UNC13B: variants seen among roughly 807,000 people sequenced by gnomAD.
UNC13B encodes the protein unc-13 homolog B.
Under a neutral mutation model 211.0 loss-of-function variants are expected in UNC13B, and 144 were observed. The ratio of observed to expected loss-of-function variants is 0.68; its 90% CI spans 0.60 to 0.78. The LOEUF is 0.78. Among genes scored for constraint, UNC13B ranks in the 30% least tolerant of loss-of-function variants. UNC13B has a pLI of 0.00. For synonymous variants in UNC13B, 709 were observed against 725.8 expected (o/e 0.98, Z 0.37); for missense variants, 1,777 against 2,002.0 (o/e 0.89, Z 2.14).
chr9:35,253,605 A>G (rs1826645318), intron 6 of UNC13B, among the ~76,000 whole-genome samples: 2 of 152,212 alleles, frequency 1.3e-5, no homozygotes, highest in African/African-American at 4.8e-5. Flanking sequence ...TTTATTCTAC[A>G]GTGTGTAACG....
intron 11 of UNC13B, among the ~76,000 whole-genome samples, chr9:35,344,848 G>T (rs772329893): frequency 2.0e-5 from 3 of 152,168 alleles, no homozygotes; most frequent in Non-Finnish European, 4.4e-5. Context: ...GTCCAACTAT[G>T]TTCTGGTTTC....
At position 35,300,376 on chromosome 9, in the gene UNC13B, T is replaced by A. The variant is rs1829614046; in HGVS notation, c.972T>A (p.Asn324Lys). ...MGYPVLYPYKNGFVVKSGMQR... is the reference protein window; with the variant it reads ...MGYPVLYPYKKGFVVKSGMQR... ...ACCCAGTTTTGTACCCCTACAAAAA[T>A]GGATTTGTGGTTAAGAGTGGCATGC... The change falls in exon 9 of 40, where the codon AAT (asparagine) becomes AAA (lysine). Residue 324 changes from asparagine (N) to lysine (K), a missense_variant. By Grantham distance (94) the Asn-to-Lys change is moderately conservative. Transcript: ENST00000635942. 5.0e-6 allele frequency: 2 copies of A among 398,842 alleles called. No individual in the cohort carries two copies. The highest frequency in any genetic ancestry group is 8.8e-6 in the Non-Finnish European group (2 of 226,032). 24.7% of individuals were successfully genotyped at this position (398,842 alleles called of 1,614,324 possible).
At chr9:35,385,944 C>G (rs866498497) in intron 23 of UNC13B, 131 bp downstream of exon 23, 2 of 1,400,454 alleles carry the variant, frequency 1.4e-6, no homozygotes, top group African/African-American at 2.9e-5. Flanking sequence ...TTCTGTGTAC[C>G]TGTTCCCTGG....
intron 11 of UNC13B, among the ~76,000 whole-genome samples, chr9:35,364,218 C>G (rs1407706128): frequency 4.6e-5 from 6 of 130,986 alleles, no homozygotes; most frequent in African/African-American, 2.8e-4. Flanking sequence ...TCTGGTCTTG[C>G]AACCTTGGCA....
At chr9:35,371,365 A>G (rs199769304) in intron 13 of UNC13B, among the ~76,000 whole-genome samples, 1 of 54,252 alleles carries the variant, frequency 1.8e-5, no homozygotes, top group Non-Finnish European at 3.8e-5. Context: ...TTTTTTTTTT[A>G]TAGAGACGGA....
chr9:35,390,551 A>T, intron 25 of UNC13B, 78 bp from the exon 26 acceptor site: 3 of 1,478,036 alleles, frequency 2.0e-6, no homozygotes, highest in South Asian at 1.1e-5. Context: ...TCCAAGAACT[A>T]GGCACTTTAG....
intron 6 of UNC13B, among the ~76,000 whole-genome samples, chr9:35,244,328 G>T (rs1825967176): frequency 6.6e-6 from 1 of 152,174 alleles, no homozygotes. Flanking sequence ...GGTGATTGAT[G>T]ACGAGTATAC....
intron 1 of UNC13B, among the ~76,000 whole-genome samples, chr9:35,173,861 G>A (rs943664450): frequency 6.6e-6 from 1 of 152,246 alleles, no homozygotes; most frequent in South Asian, 2.1e-4. Flanking sequence ...CAGCTCCAAC[G>A]CTGTGAGTTG....
intron 3 of UNC13B, among the ~76,000 whole-genome samples, chr9:35,235,289 C>G (rs1825432555): frequency 6.6e-6 from 1 of 152,014 alleles, no homozygotes; most frequent in African/African-American, 2.4e-5. Flanking sequence ...GTGACAGTGC[C>G]TAGCTTAATA....
intron 6 of UNC13B, among the ~76,000 whole-genome samples, chr9:35,245,164 G>T (rs563703890): frequency 1.3e-5 from 2 of 152,056 alleles, no homozygotes; most frequent in East Asian, 3.8e-4. Flanking sequence ...GAAGCATGTT[G>T]TACTTTTCGT....
intron 2 of UNC13B, among the ~76,000 whole-genome samples, chr9:35,229,103 A>G (rs1825049723): frequency 6.6e-6 from 1 of 152,210 alleles, no homozygotes; most frequent in African/African-American, 2.4e-5. Context: ...ATGAAACTTT[A>G]AAATCTCTGT....
At chr9:35,392,510 G>A (rs989767849) in intron 26 of UNC13B, among the ~76,000 whole-genome samples, 8 of 151,996 alleles carry the variant, frequency 5.3e-5, no homozygotes, top group Non-Finnish European at 8.8e-5. Context: ...GGAGTTTTGG[G>A]GGCCTGGATG....
At chr9:35,368,383 A>G (rs1314593329) in intron 12 of UNC13B, among the ~76,000 whole-genome samples, 1 of 152,220 alleles carries the variant, frequency 6.6e-6, no homozygotes, top group Non-Finnish European at 1.5e-5. Context: ...TGCAAAGGAC[A>G]TGATCTCGTT....
At chr9:35,352,918 C>T in intron 11 of UNC13B, 3 of 1,232,142 alleles carry the variant, frequency 2.4e-6, no homozygotes, top group Non-Finnish European at 3.0e-6. Context: ...AAAATGACTG[C>T]CACGATAAAA....
chr9:35,241,034 G>C (rs1825774720), intron 5 of UNC13B, among the ~76,000 whole-genome samples: 1 of 139,398 alleles, frequency 7.2e-6, no homozygotes, highest in Non-Finnish European at 1.5e-5. Context: ...TCCAGCCTAG[G>C]TGATAGAGCA....
rs1829832925 is a variant in UNC13B, at chr9:35,304,455, A to G, written c.5051A>G (p.Gln1684Arg). The change falls in exon 9 of 40, where the codon CAA (glutamine) becomes CGA (arginine). Residue 1684 changes from glutamine to arginine, a missense_variant. Gln to Arg is a conservative substitution (Grantham distance 43, BLOSUM62 1). Transcript: ENST00000635942. ...ACATTAGATCTCAGAAATCAGCCCC[A>G]AACTATTAGTAATCATGTCTCAAGC... ...ECTLDLRNQP[Q>R]TISNHVSSRD... 1 of 398,686 alleles carries G rather than the reference A, an allele frequency of 2.5e-6. No homozygotes were observed. The highest frequency in any genetic ancestry group is 4.4e-6 in the Non-Finnish European group (1 of 225,872). 24.7% of individuals were successfully genotyped at this position (398,686 alleles called of 1,614,324 possible). A position where few individuals can be genotyped will look rare whatever the true frequency, so the allele number is the denominator to read the frequency against.
At chr9:35,169,417 G>A (rs551564314) in intron 1 of UNC13B, among the ~76,000 whole-genome samples, 9 of 152,268 alleles carry the variant, frequency 5.9e-5, no homozygotes, top group Non-Finnish European at 1.0e-4. Context: ...TTCTACTCTA[G>A]GGAAAGTCCA....
intron 15 of UNC13B, among the ~76,000 whole-genome samples, chr9:35,376,944 A>G (rs2132226909): frequency 6.6e-6 from 1 of 152,288 alleles, no homozygotes; most frequent in South Asian, 2.1e-4. Flanking sequence ...CAGGAAAAGC[A>G]GGGGTGAAGG....
intron 1 of UNC13B, among the ~76,000 whole-genome samples, chr9:35,215,941 T>G (rs1030963038): frequency 3.3e-5 from 5 of 152,278 alleles, no homozygotes; most frequent in African/African-American, 1.2e-4. Flanking sequence ...TTTTTGTAAA[T>G]AAATACTAAG....
Sources: gnomAD v4.1 joint callset for allele counts (sites outside exome capture counted in the v4.1 genomes callset) on GRCh38, gnomAD v4.1.1 for gene constraint, MANE v1.5 for transcripts, NCBI Gene and HGNC (gene_info 2026-07-23, HGNC 2026-07-21) for gene names.